The following DGKI variants were observed in gnomAD, a reference collection of about 807,000 sequenced individuals.
The protein encoded by DGKI is diacylglycerol kinase iota.
A neutral mutation model predicts 147.5 loss-of-function variants in DGKI; 55 were observed. That is an observed-to-expected ratio of 0.37 (90% CI 0.30 to 0.47). DGKI has a LOEUF of 0.47. Among genes scored for constraint, DGKI ranks in the 20% least tolerant of loss-of-function variants. The probability of loss-of-function intolerance (pLI) is 1.00; values close to 1 mark genes in which losing one functional copy is unlikely to be tolerated. For missense variants in DGKI, 1,007 were observed against 1,323.8 expected (o/e 0.76, Z 3.71); for synonymous variants, 469 against 477.1 (o/e 0.98, Z 0.22).
intron 1 of DGKI, among the ~76,000 whole-genome samples, chr7:137,767,119 C>T (rs760874000): frequency 2.5e-4 from 38 of 152,152 alleles, no homozygotes; most frequent in Non-Finnish European, 1.5e-4. Flanking sequence ...CCTGGGCCAC[C>T]CACGGAAGTT....
At chr7:137,665,115 G>A (rs1822588528) in intron 3 of DGKI, among the ~76,000 whole-genome samples, 2 of 152,174 alleles carry the variant, frequency 1.3e-5, no homozygotes, top group African/African-American at 2.4e-5. Flanking sequence ...GATAACAGCA[G>A]GCCAGATCAT....
intron 28 of DGKI, among the ~76,000 whole-genome samples, chr7:137,427,143 G>A (rs1345668884): frequency 1.3e-5 from 2 of 151,918 alleles, no homozygotes; most frequent in Non-Finnish European, 2.9e-5. Flanking sequence ...TGACCACATA[G>A]TTGGAAGTAA....
chr7:137,846,816 G>C lies in DGKI; in HGVS notation c.47C>G (p.Ala16Gly), dbSNP rs1169635975. ...RGCHLLPLPA[A>G]RGPARAPAAA... is the part of the protein sequence containing the mutation. ...TGCAGGAGCGCGGGCAGGTCCGCGC[G>C]CCGCTGGCAGGGGCAGCAAATGGCA... The change falls in exon 1 of 33, where the codon GCG becomes GGG. Residue 16 changes from alanine to glycine, a missense_variant. Physicochemically the swap from Ala to Gly is moderately conservative, Grantham distance 60. Coordinates refer to ENST00000614521, the MANE Select transcript of DGKI (RefSeq NM_001321708.2). This position sits in a 1 kb window ranked among gnomAD's most constrained non-coding sequence, Gnocchi z 4.0. 2 of 1,142,108 alleles carry C rather than the reference G, an allele frequency of 1.8e-6. No homozygotes were observed. The highest frequency in any genetic ancestry group is 3.3e-5 in the African/African-American group (2 of 61,364). 70.7% of individuals were successfully genotyped at this position (1,142,108 alleles called of 1,614,324 possible).
intron 8 of DGKI, among the ~76,000 whole-genome samples, chr7:137,616,121 C>A (rs572314391): frequency 6.6e-6 from 1 of 152,022 alleles, no homozygotes; most frequent in Admixed American, 6.6e-5. Flanking sequence ...GTGTGGCATA[C>A]CAATAAGAGC....
At position 137,555,039 on chromosome 7, in the gene DGKI, CCT is replaced by C. The variant is rs566237190; in HGVS notation, c.1948-2473_1948-2472del. The stretch of plus-strand genomic sequence containing the variant: ...TCAAGTGATTCCCCTGCCTCAGCCC[CCT>C]GAGTAGCTGGGACTACAGGCATGTG... On this transcript the variant is annotated intron_variant, in intron 19 of 32. Transcript: ENST00000614521. Among the ~76,000 whole-genome samples the C allele has an allele frequency of 5.3e-3, 802 of 151,232 alleles. 6 individuals carry two copies. The highest frequency in any genetic ancestry group is 0.018 in the African/African-American group (755 of 41,222).
intron 3 of DGKI, among the ~76,000 whole-genome samples, chr7:137,676,454 A>G (rs182086169): frequency 2.0e-5 from 3 of 152,018 alleles, no homozygotes; most frequent in Non-Finnish European, 4.4e-5. Context: ...CTTTCTATGT[A>G]TCATCTCACC....
intron 1 of DGKI, among the ~76,000 whole-genome samples, chr7:137,739,992 G>T (rs1458888248): frequency 6.6e-6 from 1 of 152,124 alleles, no homozygotes. Flanking sequence ...TAGGGGAAAA[G>T]GTGAAGCATC....
intron 1 of DGKI, among the ~76,000 whole-genome samples, chr7:137,723,960 G>A (rs1243655397): frequency 2.0e-5 from 3 of 151,896 alleles, no homozygotes; most frequent in Admixed American, 1.3e-4. Flanking sequence ...CGCCCACCTC[G>A]GCCTCCCAAA....
chr7:137,516,569 G>C (rs1443875305), intron 21 of DGKI, among the ~76,000 whole-genome samples: 1 of 151,776 alleles, frequency 6.6e-6, no homozygotes, highest in Non-Finnish European at 1.5e-5. Flanking sequence ...AAGAAAAAAA[G>C]CTCCAGAAAA....
At chr7:137,845,264 C>T (rs533566549) in intron 1 of DGKI, among the ~76,000 whole-genome samples, 3 of 152,258 alleles carry the variant, frequency 2.0e-5, no homozygotes, top group Middle Eastern at 3.4e-3. Flanking sequence ...CCAGGCCAGG[C>T]GATGTCTATG....
chr7:137,409,237 T>C (rs1343552862), intron 29 of DGKI, among the ~76,000 whole-genome samples: 1 of 152,194 alleles, frequency 6.6e-6, no homozygotes, highest in East Asian at 1.9e-4. Flanking sequence ...ATTTGTCAAT[T>C]AAAAATACTT....
intron 1 of DGKI, among the ~76,000 whole-genome samples, chr7:137,805,196 T>C (rs527393258): frequency 6.8e-4 from 104 of 152,340 alleles, no homozygotes; most frequent in African/African-American, 2.3e-3. Flanking sequence ...AGGCACTAGT[T>C]TGTGCACATC....
intron 1 of DGKI, among the ~76,000 whole-genome samples, chr7:137,807,150 C>T (rs1797403018): frequency 6.6e-6 from 1 of 152,166 alleles, no homozygotes; most frequent in South Asian, 2.1e-4. Context: ...TCTGTGAAGA[C>T]CCAAAATATT....
At chr7:137,546,910 A>G (rs2128963756) in intron 20 of DGKI, among the ~76,000 whole-genome samples, 1 of 152,338 alleles carries the variant, frequency 6.6e-6, no homozygotes, top group African/African-American at 2.4e-5. Flanking sequence ...AGTTCTCAGC[A>G]GCCTAGGATG....
At chr7:137,748,628 A>T (rs1338694832) in intron 1 of DGKI, among the ~76,000 whole-genome samples, 5 of 152,198 alleles carry the variant, frequency 3.3e-5, no homozygotes, top group Non-Finnish European at 5.9e-5. Flanking sequence ...CTTGGAAAAG[A>T]GGAAGCCATG....
At chr7:137,613,658 C>T (rs950833759) in intron 8 of DGKI, among the ~76,000 whole-genome samples, 1 of 152,076 alleles carries the variant, frequency 6.6e-6, no homozygotes, top group Non-Finnish European at 1.5e-5. Flanking sequence ...GAAATGAATG[C>T]AGCATTGTTT....
At chr7:137,816,408 A>G (rs906968317) in intron 1 of DGKI, among the ~76,000 whole-genome samples, 1 of 152,176 alleles carries the variant, frequency 6.6e-6, no homozygotes, top group African/African-American at 2.4e-5. Flanking sequence ...AATACATGCA[A>G]AATGCTTGGA....
rs551494977 is a variant in DGKI at position 137,753,710 on chromosome 7, A to G, written c.402-63708T>C. The stretch of plus-strand genomic sequence containing the variant: ...CACATTCAAAATCCAAGGTGGACAG[A>G]GGACATAGACAGGAGGGGTGATCTA... On this transcript the variant is annotated intron_variant, in intron 1 of 32. Transcript: ENST00000614521. Among the ~76,000 whole-genome samples, 4 of 152,336 alleles carry G rather than the reference A, an allele frequency of 2.6e-5. No homozygotes were observed. The South Asian group carries it at 8.3e-4, about 32-fold the overall frequency.
intron 10 of DGKI, among the ~76,000 whole-genome samples, chr7:137,601,737 C>T (rs143757748): frequency 2.0e-5 from 3 of 152,294 alleles, no homozygotes; most frequent in East Asian, 1.9e-4. Context: ...AGTTAATCTA[C>T]TCATTAAATT....
Sources: allele counts gnomAD v4.1 joint callset (sites outside exome capture counted in the v4.1 genomes callset), GRCh38; gene constraint gnomAD v4.1.1; non-coding constraint Gnocchi (gnomAD v3.1); transcripts MANE v1.5; gene names NCBI Gene and HGNC (gene_info 2026-07-23, HGNC 2026-07-21).